Variants in KCNQ1 observed in about 807,000 individuals in gnomAD.
KCNQ1 encodes potassium voltage-gated channel subfamily Q member 1.
A neutral mutation model predicts 72.4 loss-of-function variants in KCNQ1; 49 were observed. The ratio of observed to expected loss-of-function variants is 0.68; its 90% confidence interval spans 0.54 to 0.86. KCNQ1 has a LOEUF of 0.86. Ranked by LOEUF, KCNQ1 falls within the 40% of genes least tolerant of loss-of-function variation. KCNQ1 has a pLI of 0.00. For missense variants in KCNQ1, 790 were observed against 945.1 expected (o/e 0.84, Z 2.15); for synonymous variants, 450 against 412.6 (o/e 1.09, Z -1.10).
intron 15 of KCNQ1, among the ~76,000 whole-genome samples, chr11:2,793,901 G>A (rs968836061): frequency 3.9e-5 from 6 of 152,154 alleles, no homozygotes; most frequent in African/African-American, 1.2e-4. Flanking sequence ...GAAAGTACTC[G>A]GTTTTCCCAG....
chr11:2,716,120 G>A lies in KCNQ1; in HGVS notation c.1515-52724G>A, dbSNP rs188778278. Among the ~76,000 whole-genome samples the A allele has an allele frequency of 1.2e-4, 19 of 152,288 alleles. No homozygotes were observed. The East Asian group carries it at 1.5e-3, about 12-fold the overall frequency. On this transcript the variant is annotated intron_variant, in intron 11 of 15. Coordinates refer to ENST00000155840, the MANE Select transcript of KCNQ1 (RefSeq NM_000218.3). ...CCCCTATTCCTAGCCTCCCTTGAGCGTTTTGGTTGCCGGATCCTCATTAAT... is the reference window on the plus strand; with the variant it reads ...CCCCTATTCCTAGCCTCCCTTGAGCATTTTGGTTGCCGGATCCTCATTAAT...
chr11:2,686,709 A>G (rs2133886945), intron 11 of KCNQ1: 1 of 398,666 alleles, frequency 2.5e-6, no homozygotes, highest in East Asian at 3.6e-5. Context: ...AAGGCTGGGA[A>G]GTCCTACTCG....
At position 2,713,079 on chromosome 11, in the gene KCNQ1, C is replaced by T. The variant is rs911564059; in HGVS notation, c.1514+50998C>T. On this transcript the variant is annotated intron_variant, in intron 11 of 15. Coordinates refer to ENST00000155840, the MANE Select transcript of KCNQ1 (RefSeq NM_000218.3). The surrounding 1 kb of genome is among the most constrained non-coding windows in gnomAD (Gnocchi z 5.6). ...TAACGACTCCCCATGAAATTAACAA[C>T]TTTGTGAAGCATTTGGTATTTGGGG... 4.2e-4 allele frequency among the ~76,000 whole-genome samples: 64 copies of T among 152,288 alleles called. No homozygotes were observed. Among genetic ancestry groups the T allele is most frequent in the African/African-American group, 1.4e-3 (59 of 41,546 alleles).
chr11:2,726,861 A>C (rs898421574), intron 11 of KCNQ1, among the ~76,000 whole-genome samples: 1 of 152,082 alleles, frequency 6.6e-6, no homozygotes, highest in Non-Finnish European at 1.5e-5. Context: ...GCCCTTCCAG[A>C]GGCCCCTCCC....
At chr11:2,822,428 G>A (rs1311659780) in intron 15 of KCNQ1, among the ~76,000 whole-genome samples, 2 of 152,236 alleles carry the variant, frequency 1.3e-5, no homozygotes, top group East Asian at 3.9e-4. Context: ...GGGGAAATGG[G>A]GACAGATATT....
Position 2,483,397 on chromosome 11 carries a change from T to C in KCNQ1, c.386+37913T>C, listed in dbSNP as rs1846685338. Reference sequence around the variant, plus strand: ...TGGACTCCTAGTATTAACATCTTAATAACGGGGTGTATTGACCAAAACCGA... The same window carrying C: ...TGGACTCCTAGTATTAACATCTTAACAACGGGGTGTATTGACCAAAACCGA... On this transcript the variant is annotated intron_variant, in intron 1 of 15. Transcript: ENST00000155840. This position sits in a 1 kb window ranked among gnomAD's most constrained non-coding sequence, Gnocchi z 6.1. Among the ~76,000 whole-genome samples, 1 of 152,212 alleles carries C rather than the reference T, an allele frequency of 6.6e-6. No homozygotes were observed. The highest frequency in any genetic ancestry group is 2.1e-4 in the South Asian group (1 of 4,832).
intron 2 of KCNQ1, among the ~76,000 whole-genome samples, chr11:2,548,640 A>G (rs1258924103): frequency 1.3e-5 from 2 of 152,234 alleles, no homozygotes; most frequent in African/African-American, 4.8e-5. Flanking sequence ...AGGCGGTTTC[A>G]TAGGTGCGTG....
chr11:2,792,597 T>A (rs995998998), intron 15 of KCNQ1, among the ~76,000 whole-genome samples: 1 of 152,166 alleles, frequency 6.6e-6, no homozygotes, highest in African/African-American at 2.4e-5. Flanking sequence ...ATCCTATGGA[T>A]ATCTAGAGGA....
chr11:2,681,491 C>G, intron 11 of KCNQ1: 1 of 398,474 alleles, frequency 2.5e-6, no homozygotes, highest in East Asian at 3.6e-5. Flanking sequence ...AGAAATGGGA[C>G]TTAGTAAAGT....
chr11:2,693,990 C>T (rs1217587154), intron 11 of KCNQ1: 8 of 398,642 alleles, frequency 2.0e-5, no homozygotes, highest in Non-Finnish European at 3.5e-5. Flanking sequence ...AGGCCCAGCC[C>T]GGCCTCTCTA....
chr11:2,588,611 C>A lies in KCNQ1; in HGVS notation c.1252-102C>A. On this transcript the variant is annotated intron_variant, in intron 9 of 15. Transcript: ENST00000155840. The surrounding 1 kb of genome is among the most constrained non-coding windows in gnomAD (Gnocchi z 5.6). ...CAGGTCCCTGTCCGGGTGTATGTGG[C>A]GGGGGCTGGGCTCGGGGCGGCTGCA... 7.0e-7 allele frequency: 1 copy of A among 1,426,336 alleles called. No homozygotes were observed. The highest frequency in any genetic ancestry group is 9.7e-7 in the Non-Finnish European group (1 of 1,026,594). The allele number at this position is 1,426,336 out of a possible 1,614,324, so 88.4% of individuals were successfully genotyped here. A position where few individuals can be genotyped will look rare whatever the true frequency, so the allele number is the denominator to read the frequency against.
At chr11:2,737,556 C>T (rs774903622) in intron 11 of KCNQ1, among the ~76,000 whole-genome samples, 12 of 152,224 alleles carry the variant, frequency 7.9e-5, no homozygotes, top group Non-Finnish European at 1.8e-4. Flanking sequence ...AGAAGTGCTA[C>T]TTGAAAATAA....
intron 2 of KCNQ1, among the ~76,000 whole-genome samples, chr11:2,532,432 G>A (rs1412163191): frequency 6.6e-6 from 1 of 152,230 alleles, no homozygotes; most frequent in Non-Finnish European, 1.5e-5. Context: ...CGAAGCACTG[G>A]CCGCGTGGAA....
intron 15 of KCNQ1, among the ~76,000 whole-genome samples, chr11:2,789,589 G>A (rs1036700238): frequency 1.3e-5 from 2 of 152,196 alleles, no homozygotes; most frequent in African/African-American, 4.8e-5. Context: ...TCTCTGTGCA[G>A]CCACAGCACC....
At chr11:2,576,650 C>T (rs1338679326) in intron 6 of KCNQ1, among the ~76,000 whole-genome samples, 2 of 152,272 alleles carry the variant, frequency 1.3e-5, no homozygotes, top group Non-Finnish European at 2.9e-5. Context: ...CACCTGGAGC[C>T]TCCAGAAATT....
In KCNQ1 at chr11:2,645,065, C is replaced by G; in HGVS notation, c.1394-16896C>G. The G allele has an allele frequency of 2.5e-6, 1 of 398,678 alleles. No homozygotes were observed. The highest frequency in any genetic ancestry group is 4.4e-6 in the Non-Finnish European group (1 of 226,164). 24.7% of individuals were successfully genotyped at this position (398,678 alleles called of 1,614,324 possible). On this transcript the variant is annotated intron_variant, in intron 10 of 15. Transcript: ENST00000155840. This position sits in a 1 kb window ranked among gnomAD's most constrained non-coding sequence, Gnocchi z 5.8. ...TGCTCAGGTGCCAATGATGACAGAG[C>G]TGGGCCACAGGGTGGGTAGGTCCTT...
chr11:2,548,906 G>A (rs775606494), intron 2 of KCNQ1, among the ~76,000 whole-genome samples: 26 of 152,176 alleles, frequency 1.7e-4, no homozygotes, highest in Non-Finnish European at 2.9e-4. Flanking sequence ...CCTGTCTGGC[G>A]GGAATAAAGG....
chr11:2,819,729 T>C (rs1179566893), intron 15 of KCNQ1, among the ~76,000 whole-genome samples: 1 of 152,176 alleles, frequency 6.6e-6, no homozygotes, highest in East Asian at 1.9e-4. Flanking sequence ...TAGGTAATTA[T>C]AGAAATCACC....
intron 11 of KCNQ1, among the ~76,000 whole-genome samples, chr11:2,744,403 G>C (rs1248894968): frequency 6.6e-6 from 1 of 152,230 alleles, no homozygotes; most frequent in Admixed American, 6.5e-5. Context: ...TGTGTTTCTT[G>C]CTCCAGTACT....
Sources: allele counts gnomAD v4.1 joint callset (sites outside exome capture counted in the v4.1 genomes callset), GRCh38; gene constraint gnomAD v4.1.1; non-coding constraint Gnocchi (gnomAD v3.1); transcripts MANE v1.5; gene names NCBI Gene and HGNC (gene_info 2026-07-23, HGNC 2026-07-21).